Variants in SPDYA observed in about 807,000 individuals in gnomAD.
SPDYA encodes the protein speedy protein A.
A neutral mutation model predicts 36.7 loss-of-function variants in SPDYA; 11 were observed. The ratio of observed to expected loss-of-function variants is 0.30; its 90% CI spans 0.19 to 0.50. The LOEUF (loss-of-function observed/expected upper bound fraction) is 0.50, where lower values mean the gene tolerates loss of function less well. Ranked by LOEUF, SPDYA falls within the 20% of genes least tolerant of loss-of-function variation. The probability of loss-of-function intolerance (pLI) is 0.98; values close to 1 mark genes in which losing one functional copy is unlikely to be tolerated. For synonymous variants in SPDYA, 115 were observed against 118.7 expected (o/e 0.97, Z 0.20); for missense variants, 287 against 370.9 (o/e 0.77, Z 1.86).
intron 1 of SPDYA, among the ~76,000 whole-genome samples, chr2:28,813,581 T>C (rs1572485147): frequency 6.6e-6 from 1 of 151,688 alleles, no homozygotes; most frequent in East Asian, 1.9e-4. Flanking sequence ...AGACGGAGTC[T>C]TGCTCTGTTG....
chr2:28,826,957 T>C (rs1207248124), intron 5 of SPDYA, among the ~76,000 whole-genome samples: 2 of 147,798 alleles, frequency 1.4e-5, no homozygotes, highest in African/African-American at 5.0e-5. Flanking sequence ...TTCTTTTTTT[T>C]TTTTTTTTTT....
intron 3 of SPDYA, among the ~76,000 whole-genome samples, chr2:28,817,082 TA>T (rs1406096807): frequency 1.3e-5 from 2 of 152,108 alleles, no homozygotes; most frequent in African/African-American, 4.8e-5. Flanking sequence ...GGAAAAAATG[TA>T]AGGAATATAA....
chr2:28,846,773 A>ACACACACACACACACAC (rs1668888767), intron 7 of SPDYA, among the ~76,000 whole-genome samples: 2 of 142,948 alleles, frequency 1.4e-5, no homozygotes, highest in East Asian at 2.0e-4. Flanking sequence ...ACACACACAC[A>ACACACACACACACACAC]AAGGGAAGTG....
chr2:28,836,391 G>A (rs1668603987), intron 6 of SPDYA, among the ~76,000 whole-genome samples: 2 of 152,160 alleles, frequency 1.3e-5, no homozygotes, highest in South Asian at 4.1e-4. Context: ...AAAAACTGTG[G>A]CTTAGTAAGA....
At chr2:28,821,197 C>CT (rs11464702) in intron 4 of SPDYA, among the ~76,000 whole-genome samples, 2,877 of 98,834 alleles carry the variant, frequency 0.029, 156 homozygotes, top group East Asian at 0.15. Flanking sequence ...TTTTCTTTTT[C>CT]TTTTTTTTTT....
intron 7 of SPDYA, among the ~76,000 whole-genome samples, chr2:28,848,069 A>G (rs970752246): frequency 4.6e-5 from 7 of 152,212 alleles, no homozygotes; most frequent in Non-Finnish European, 1.0e-4. Flanking sequence ...CCAACTATGC[A>G]TTTAACAGAA....
rs149698041 is a variant in SPDYA, at chr2:28,845,852, T to C, written c.851-3998T>C. Among the ~76,000 whole-genome samples the C allele has an allele frequency of 3.2e-4, 49 of 152,224 alleles. No homozygotes were observed. In the East Asian group the frequency reaches 9.3e-3, roughly 29 times the overall value. On this transcript the variant is annotated intron_variant, in intron 7 of 7. Coordinates refer to ENST00000334056, the MANE Select transcript of SPDYA (RefSeq NM_182756.4). ...GAGCCACCGCGCCCGACCTGTCTGCTCATTTTCTACGATTAATCACCTTAT... is the reference window on the plus strand; with the variant it reads ...GAGCCACCGCGCCCGACCTGTCTGCCCATTTTCTACGATTAATCACCTTAT...
intron 5 of SPDYA, among the ~76,000 whole-genome samples, chr2:28,825,373 A>C (rs1357705704): frequency 6.6e-6 from 1 of 152,158 alleles, no homozygotes; most frequent in Non-Finnish European, 1.5e-5. Context: ...AGTTTATGCA[A>C]TACAATTATC....
intron 6 of SPDYA, among the ~76,000 whole-genome samples, chr2:28,833,621 T>C (rs1356369281): frequency 6.6e-6 from 1 of 152,104 alleles, no homozygotes; most frequent in African/African-American, 2.4e-5. Flanking sequence ...ATGGGGAAAA[T>C]GTAGTCTTTT....
intron 6 of SPDYA, among the ~76,000 whole-genome samples, chr2:28,837,361 G>A (rs1289562629): frequency 6.6e-6 from 1 of 152,126 alleles, no homozygotes; most frequent in African/African-American, 2.4e-5. Flanking sequence ...GTTCCATAAT[G>A]GAAATAGGGA....
chr2:28,837,113 A>G (rs1259307211), intron 6 of SPDYA, among the ~76,000 whole-genome samples: 12 of 152,238 alleles, frequency 7.9e-5, no homozygotes, highest in Non-Finnish European at 1.6e-4. Context: ...TTTTGACAGA[A>G]TAATCCAATG....
intron 1 of SPDYA, among the ~76,000 whole-genome samples, chr2:28,814,016 C>A (rs923575326): frequency 4.6e-5 from 7 of 152,168 alleles, no homozygotes; most frequent in African/African-American, 1.7e-4. Context: ...ATAACCCGCA[C>A]CCCAAGTACA....
rs1668068792 is a variant in SPDYA at position 28,819,103 on chromosome 2, C to T, written c.291C>T (p.Asp97=). The T allele has an allele frequency of 6.2e-7, 1 of 1,610,026 alleles. No homozygotes were observed. The highest frequency in any genetic ancestry group is 8.5e-7 in the Non-Finnish European group (1 of 1,177,730). Residue 97 remains aspartate, a synonymous_variant, in exon 4 of 8, where the codon GAC becomes GAT. Transcript: ENST00000334056. ...TGGACTGCTGCTGTAAAATTGCAGACAAGGTAAATTTGGTAACAGTATAAC... is the reference window on the plus strand; with the variant it reads ...TGGACTGCTGCTGTAAAATTGCAGATAAGGTAAATTTGGTAACAGTATAAC... The part of the protein sequence containing the change: ...LWMDCCCKIA[D]KYLLAMTFVY...
In SPDYA at chr2:28,829,136, C is replaced by A. The variant is rs781624163; in HGVS notation, c.381-12C>A. ...ACCCATTTCTTTTTTGGGTTGTGAT[C>A]TTCTTTGTTAGGTATCTGGCTAATA... On this transcript the variant is annotated splice_polypyrimidine_tract_variant and intron_variant, in intron 5 of 7. Transcript: ENST00000334056. 6 of 1,600,602 alleles carry A rather than the reference C, an allele frequency of 3.7e-6. No homozygotes were observed. Among genetic ancestry groups the A allele is most frequent in the Non-Finnish European group, 2.6e-6 (3 of 1,175,342 alleles).
At position 28,816,063 on chromosome 2, in the gene SPDYA, T is replaced by C; in HGVS notation, c.49T>C (p.Tyr17His). 1.9e-6 allele frequency: 3 copies of C among 1,614,004 alleles called. No individual in the cohort carries two copies. Among genetic ancestry groups the C allele is most frequent in the African/African-American group, 1.3e-5 (1 of 75,048 alleles). The change falls in exon 3 of 8, where the codon TAT becomes CAT. Residue 17 changes from tyrosine (Y) to histidine (H), a missense_variant. Physicochemically the swap from Tyr to His is moderately conservative, Grantham distance 83. Transcript: ENST00000334056. ...TGAGACACCACCTACTGTCACTGTTTATGTAAAATCAGGGTCAAATAGATC... is the reference window on the plus strand; with the variant it reads ...TGAGACACCACCTACTGTCACTGTTCATGTAAAATCAGGGTCAAATAGATC... ...CCETPPTVTVYVKSGSNRSHQ... is the reference protein window; with the variant it reads ...CCETPPTVTVHVKSGSNRSHQ...
At chr2:28,831,502 G>A (rs1433447013) in intron 6 of SPDYA, among the ~76,000 whole-genome samples, 3 of 152,054 alleles carry the variant, frequency 2.0e-5, no homozygotes, top group African/African-American at 7.2e-5. Context: ...AAAAATTAAT[G>A]GAACTTGTTT....
chr2:28,830,471 G>A (rs1668455434), intron 6 of SPDYA, among the ~76,000 whole-genome samples: 1 of 152,022 alleles, frequency 6.6e-6, no homozygotes, highest in Admixed American at 6.6e-5. Flanking sequence ...CCAAAGTGCT[G>A]GGAGTACAGG....
intron 5 of SPDYA, among the ~76,000 whole-genome samples, chr2:28,823,702 A>AAAATAT (rs1417718978): frequency 2.0e-5 from 1 of 49,224 alleles, no homozygotes; most frequent in Non-Finnish European, 3.7e-5. Flanking sequence ...GGAATGCATG[A>AAAATAT]ATATATATAT....
Position 28,814,640 on chromosome 2 carries a change from G to A in SPDYA, c.-65G>A, listed in dbSNP as rs1393756467. 1.3e-5 allele frequency: 2 copies of A among 152,124 alleles called. No homozygotes were observed. The highest frequency in any genetic ancestry group is 2.4e-5 in the African/African-American group (1 of 41,428). The allele number at this position is 152,124 out of a possible 1,614,324, so 9.4% of individuals were successfully genotyped here. A position where few individuals can be genotyped will look rare whatever the true frequency, so the allele number is the denominator to read the frequency against. On this transcript the variant is annotated 5_prime_UTR_variant, in exon 2 of 8. Transcript: ENST00000334056. Reference sequence around the variant, plus strand: ...CTTCCTTCAGAAGGGAAATTTCTGAGGGTCAGGAAGGGGAATCTGTACCTC... The same window carrying A: ...CTTCCTTCAGAAGGGAAATTTCTGAAGGTCAGGAAGGGGAATCTGTACCTC...
Sources: gnomAD v4.1 joint callset for allele counts (sites outside exome capture counted in the v4.1 genomes callset) on GRCh38, gnomAD v4.1.1 for gene constraint, MANE v1.5 for transcripts, NCBI Gene and HGNC (gene_info 2026-07-23, HGNC 2026-07-21) for gene names.